Variants in SPATA6L observed in about 807,000 individuals in gnomAD.
The protein encoded by SPATA6L is spermatogenesis associated 6-like protein.
In SPATA6L, 68 loss-of-function variants were observed where a neutral mutation model predicts 49.2. The observed-to-expected ratio is 1.38, with a 90% CI of 1.14 to 1.69. SPATA6L has a LOEUF of 1.69. Ranked by LOEUF, SPATA6L falls within the 40% of genes most tolerant of loss-of-function variation. The pLI is 0.00. For synonymous variants in SPATA6L, 198 were observed against 165.7 expected, an observed-to-expected ratio of 1.19 and a Z score of -1.50; for missense variants, 668 against 464.3, an observed-to-expected ratio of 1.44 and a Z score of -4.03.
chr9:4,646,335 G>A (rs557496711), intron 3 of SPATA6L: 5,948 of 428,598 alleles, frequency 0.014, 290 homozygotes, highest in African/African-American at 0.1. Flanking sequence ...TAGATTGGCA[G>A]AAAAAAGGCA....
chr9:4,655,555 G>GTT (rs57237870), intron 3 of SPATA6L, among the ~76,000 whole-genome samples: 7 of 145,758 alleles, frequency 4.8e-5, no homozygotes, highest in African/African-American at 1.3e-4. Context: ...TTTTTTTGTT[G>GTT]TTTTTTTTTT....
rs746503491 is a variant in SPATA6L at position 4,662,347 on chromosome 9, A to T, written c.40-311T>A. ...CGGGAAGCCTCTGTTTGGTCCGGCCAGGTCCCGGGATCCGGGCCGCCAGCT... is the reference window on the plus strand; with the variant it reads ...CGGGAAGCCTCTGTTTGGTCCGGCCTGGTCCCGGGATCCGGGCCGCCAGCT... On this transcript the variant is annotated intron_variant, in intron 1 of 11. Coordinates refer to ENST00000682582, the MANE Select transcript of SPATA6L (RefSeq NM_001353486.2). This position sits in a 1 kb window ranked among gnomAD's most constrained non-coding sequence, Gnocchi z 4.9. 6.8e-7 allele frequency: 1 copy of T among 1,480,186 alleles called. No individual in the cohort carries two copies. The highest frequency in any genetic ancestry group is 8.9e-7 in the Non-Finnish European group (1 of 1,122,862). 91.7% of individuals were successfully genotyped at this position (1,480,186 alleles called of 1,614,324 possible).
In SPATA6L at chr9:4,635,339, T is replaced by C. The variant is rs368972585; in HGVS notation, c.287A>G (p.Lys96Arg). ...CCTCCTAGGGTGCGAAGGTGTCAGC[T>C]TGGGCTCTGGGAAAAGAAAATCTCG... ...NTRDFLFPEP[K>R]LTPSHPRRCR... Residue 96 changes from lysine to arginine, a missense_variant, in exon 4 of 12, where the codon AAG becomes AGG. Transcript: ENST00000682582. 17 of 1,590,424 alleles carry C rather than the reference T, an allele frequency of 1.1e-5. No individual in the cohort carries two copies. The African/African-American group carries it at 2.1e-4, about 19-fold the overall frequency.
At position 4,661,760 on chromosome 9, in the gene SPATA6L, T is replaced by TTTTGCTTCAAGGCCGACTGCGGG. The variant is rs1554615862; in HGVS notation, c.177+138_177+139insCCCGCAGTCGGCCTTGAAGCAAA. 5.1e-6 allele frequency: 6 copies of TTTTGCTTCAAGGCCGACTGCGGG among 1,178,416 alleles called. No individual in the cohort carries two copies. The African/African-American group carries it at 7.8e-5, about 15-fold the overall frequency. 73.0% of individuals were successfully genotyped at this position (1,178,416 alleles called of 1,614,324 possible). A position where few individuals can be genotyped will look rare whatever the true frequency, so the allele number is the denominator to read the frequency against. ...ACAAAAGCAAGTGTTCCGACTGCGG[T>TTTTGCTTCAAGGCCGACTGCGGG]TTTGCATTGTGCTGAAGTGCTTTCG... On this transcript the variant is annotated intron_variant, in intron 2 of 11. Transcript: ENST00000682582.
In SPATA6L at chr9:4,600,493, C is replaced by CAGATAGAGAGAGAGAGAGAGAG. The variant is rs1822966885; in HGVS notation, c.*317_*318insCTCTCTCTCTCTCTCTCTATCT. The stretch of plus-strand genomic sequence containing the variant: ...AGAGACAGAGAGAGCCAGAGAGAGC[C>CAGATAGAGAGAGAGAGAGAGAG]AGAGAGAGAGAGAGGGGAAGTGTTC... On this transcript the variant is annotated 3_prime_UTR_variant, in exon 12 of 12. Coordinates refer to ENST00000682582, the MANE Select transcript of SPATA6L (RefSeq NM_001353486.2). 7.5e-6 allele frequency: 1 copy of CAGATAGAGAGAGAGAGAGAGAG among 133,686 alleles called. No homozygotes were observed. The highest frequency in any genetic ancestry group is 7.7e-5 in the Admixed American group (1 of 12,966). 8.3% of individuals were successfully genotyped at this position (133,686 alleles called of 1,614,324 possible).
At chr9:4,603,846 A>G (rs1823989666) in intron 11 of SPATA6L, among the ~76,000 whole-genome samples, 1 of 152,230 alleles carries the variant, frequency 6.6e-6, no homozygotes, top group Admixed American at 6.5e-5. Context: ...TCAGGAAGAC[A>G]TATTCCAGAT....
rs1822553111 is a variant in SPATA6L, at chr9:4,598,687, C to G, written c.*2124G>C. Among the ~76,000 whole-genome samples the G allele has an allele frequency of 1.3e-5, 2 of 152,158 alleles. No homozygotes were observed. Among genetic ancestry groups the G allele is most frequent in the South Asian group, 4.1e-4 (2 of 4,832 alleles). ...TTTTAACAATAACTGAAATGGGATA[C>G]CAATTCATTAGTGCTGCTTTCCTTT... On this transcript the variant is annotated 3_prime_UTR_variant, in exon 12 of 12. Coordinates refer to ENST00000682582, the MANE Select transcript of SPATA6L (RefSeq NM_001353486.2).
At chr9:4,661,472 A>G (rs1839719992) in intron 2 of SPATA6L, among the ~76,000 whole-genome samples, 1 of 150,198 alleles carries the variant, frequency 6.7e-6, no homozygotes, top group African/African-American at 2.5e-5. Flanking sequence ...CCTTTTTGTT[A>G]CAGGATTTTA....
intron 2 of SPATA6L, among the ~76,000 whole-genome samples, chr9:4,656,441 A>AAAGGAAGAAAGG (rs1294326075): frequency 0.013 from 1,488 of 113,904 alleles, 18 homozygotes; most frequent in African/African-American, 0.032. Context: ...CCTGTGAAAG[A>AAAGGAAGAAAGG]AAGGAAGGAA....
intron 4 of SPATA6L, among the ~76,000 whole-genome samples, chr9:4,632,764 G>C (rs909588322): frequency 1.3e-5 from 2 of 152,138 alleles, no homozygotes; most frequent in African/African-American, 4.8e-5. Flanking sequence ...CAGATCCTTA[G>C]TATTGTGTGA....
Position 4,662,278 on chromosome 9 carries a change from G to GC in SPATA6L, c.40-243dup. On this transcript the variant is annotated intron_variant, in intron 1 of 11. Coordinates refer to ENST00000682582, the MANE Select transcript of SPATA6L (RefSeq NM_001353486.2). This position sits in a 1 kb window ranked among gnomAD's most constrained non-coding sequence, Gnocchi z 4.9. ...CGCGCTCTCGCCGGCTCCTCTCCCC[G>GC]CCCCTCCGGGATGGTAGTGCGGAAG... 1 of 1,433,822 alleles carries GC rather than the reference G, an allele frequency of 7.0e-7. No homozygotes were observed. Among genetic ancestry groups the GC allele is most frequent in the African/African-American group, 1.4e-5 (1 of 69,566 alleles). 88.8% of individuals were successfully genotyped at this position (1,433,822 alleles called of 1,614,324 possible). A position where few individuals can be genotyped will look rare whatever the true frequency, so the allele number is the denominator to read the frequency against.
Position 4,598,829 on chromosome 9 carries a change from C to T in SPATA6L, c.*1982G>A, listed in dbSNP as rs1822580751. Among the ~76,000 whole-genome samples, 1 of 152,186 alleles carries T rather than the reference C, an allele frequency of 6.6e-6. No homozygotes were observed. The highest frequency in any genetic ancestry group is 1.5e-5 in the Non-Finnish European group (1 of 68,044). On this transcript the variant is annotated 3_prime_UTR_variant, in exon 12 of 12. Coordinates refer to ENST00000682582, the MANE Select transcript of SPATA6L (RefSeq NM_001353486.2). ...AACATCAAAACAACAAATTGACAAC[C>T]ATAGTTTCAGAGAGACTGAGAACAT... is the stretch of plus-strand genomic sequence containing the variant.
chr9:4,662,079 C>G lies in SPATA6L; in HGVS notation c.40-43G>C. Reference sequence around the variant, plus strand: ...CAACAAACAAGGGAGAGAAAACAGACTTTGCTTTGTTTTGTTACACGGGGC... The same window carrying G: ...CAACAAACAAGGGAGAGAAAACAGAGTTTGCTTTGTTTTGTTACACGGGGC... On this transcript the variant is annotated intron_variant, in intron 1 of 11. Transcript: ENST00000682582. This position sits in a 1 kb window ranked among gnomAD's most constrained non-coding sequence, Gnocchi z 4.9. 6.2e-7 allele frequency: 1 copy of G among 1,605,538 alleles called. No individual in the cohort carries two copies. Among genetic ancestry groups the G allele is most frequent in the Non-Finnish European group, 8.5e-7 (1 of 1,175,592 alleles).
intron 1 of SPATA6L, chr9:4,664,868 G>A (rs1419199733): frequency 2.4e-5 from 4 of 167,054 alleles, no homozygotes; most frequent in Non-Finnish European, 5.9e-5. Flanking sequence ...ACAGCATCCT[G>A]AATACCGACT....
At chr9:4,612,357 A>C (rs367894103) in intron 9 of SPATA6L, among the ~76,000 whole-genome samples, 14 of 152,130 alleles carry the variant, frequency 9.2e-5, no homozygotes, top group Admixed American at 3.9e-4. Context: ...ACTGAACCAT[A>C]GGTTTGACAG....
chr9:4,630,954 A>G (rs1217763357), intron 4 of SPATA6L, among the ~76,000 whole-genome samples: 1 of 152,226 alleles, frequency 6.6e-6, no homozygotes, highest in African/African-American at 2.4e-5. Context: ...ATGAACCCAG[A>G]CAATCTGATT....
rs1303499237 is a variant in SPATA6L, at chr9:4,598,895, G to A, written c.*1916C>T. The stretch of plus-strand genomic sequence containing the variant: ...TTAAGCTTGCTGTTGGCCTTGCCAA[G>A]GTGGAATGCTGGTTGTGATACAGGT... On this transcript the variant is annotated 3_prime_UTR_variant, in exon 12 of 12. Coordinates refer to ENST00000682582, the MANE Select transcript of SPATA6L (RefSeq NM_001353486.2). Among the ~76,000 whole-genome samples, 1 of 152,260 alleles carries A rather than the reference G, an allele frequency of 6.6e-6. No homozygotes were observed. The highest frequency in any genetic ancestry group is 1.5e-5 in the Non-Finnish European group (1 of 68,052).
intron 1 of SPATA6L, chr9:4,664,436 A>G (rs139655092): frequency 6.0e-6 from 1 of 167,198 alleles, no homozygotes; most frequent in African/African-American, 2.4e-5. Flanking sequence ...GTCTGCTGCT[A>G]TACCAGGCAC....
At position 4,635,353 on chromosome 9, in the gene SPATA6L, A is replaced by C; in HGVS notation, c.273T>G (p.Leu91=). ...AYYEENTRDF[L]FPEPKLTPSH... ...AAGGTGTCAGCTTGGGCTCTGGGAA[A>C]AGAAAATCTCGTGTGTTTTCTTCGT... The change falls in exon 4 of 12, where the codon CTT becomes CTG. Residue 91 remains leucine, a synonymous_variant. Transcript: ENST00000682582. 6.3e-7 allele frequency: 1 copy of C among 1,590,084 alleles called. No homozygotes were observed. The highest frequency in any genetic ancestry group is 8.5e-7 in the Non-Finnish European group (1 of 1,171,568).
Sources: allele counts gnomAD v4.1 joint callset (sites outside exome capture counted in the v4.1 genomes callset), GRCh38; gene constraint gnomAD v4.1.1; non-coding constraint Gnocchi (gnomAD v3.1); transcripts MANE v1.5; gene names NCBI Gene and HGNC (gene_info 2026-07-23, HGNC 2026-07-21).